Variants in GLP1R observed in about 807,000 individuals in gnomAD.
GLP1R encodes the protein glucagon like peptide 1 receptor.
Under a neutral mutation model 68.4 loss-of-function variants are expected in GLP1R, and 32 were observed. That is an observed-to-expected ratio of 0.47 (90% CI 0.35 to 0.63). GLP1R has a LOEUF of 0.63. GLP1R is among the 20% of genes least tolerant of loss of function. The pLI is 0.00. For missense variants in GLP1R, 502 were observed against 594.9 expected, an observed-to-expected ratio of 0.84 and a Z score of 1.62; for synonymous variants, 263 against 244.4, an observed-to-expected ratio of 1.08 and a Z score of -0.71.
chr6:39,051,263 TA>T (rs2150818169), intron 1 of GLP1R, among the ~76,000 whole-genome samples: 1 of 152,330 alleles, frequency 6.6e-6, no homozygotes, highest in Non-Finnish European at 1.5e-5. Flanking sequence ...TCATAAGCTC[TA>T]TCACATAGGG....
rs1366151858 is a variant in GLP1R, at chr6:39,078,330, C to T, written c.832C>T (p.Leu278=). The change falls in exon 8 of 13, where the codon CTG becomes TTG. Residue 278 remains leucine, a synonymous_variant. Transcript: ENST00000373256. ...CTTTCCCTCTCTCTTAGGTGTTCCC[C>T]TGCTGTTTGTTGTCCCCTGGGGCAT... ...LYVSIGWGVP[L]LFVVPWGIVK... is the part of the protein sequence containing the mutation. 6.2e-7 allele frequency: 1 copy of T among 1,611,834 alleles called. No homozygotes were observed. The highest frequency in any genetic ancestry group is 1.7e-5 in the Admixed American group (1 of 60,034).
intron 1 of GLP1R, among the ~76,000 whole-genome samples, chr6:39,050,591 G>T (rs1768065047): frequency 6.6e-6 from 1 of 152,158 alleles, no homozygotes; most frequent in South Asian, 2.1e-4. Context: ...TCCTAGCAGG[G>T]AGGGGAGCTT....
At chr6:39,080,643 T>C in intron 11 of GLP1R, 55 bp from the exon 12 acceptor site, 1 of 1,284,762 alleles carries the variant, frequency 7.8e-7, no homozygotes, top group Non-Finnish European at 1.1e-6. Flanking sequence ...CCAGGGCCAG[T>C]CTGCAGGGCA....
chr6:39,063,007 C>A (rs757484789), intron 3 of GLP1R, among the ~76,000 whole-genome samples: 2 of 152,190 alleles, frequency 1.3e-5, no homozygotes, highest in African/African-American at 4.8e-5. Context: ...GTATGCCAGG[C>A]CCTGTGCCAG....
In GLP1R at chr6:39,088,414, C is replaced by T. The variant is rs10305526; in HGVS notation, c.*2341C>T. Among the ~76,000 whole-genome samples, 1,760 of 152,270 alleles carry T rather than the reference C, an allele frequency of 0.012. 14 individuals are homozygous for T. Among genetic ancestry groups the T allele is most frequent in the Non-Finnish European group, 0.019 (1,260 of 68,010 alleles). On this transcript the variant is annotated 3_prime_UTR_variant, in exon 13 of 13. Coordinates refer to ENST00000373256, the MANE Select transcript of GLP1R (RefSeq NM_002062.5). ...TTGAATGCAATGTACTCTGAAATTC[C>T]AGCAGCTGTTTACATGCCTGATGCC...
chr6:39,071,143 G>A (rs1030100694), intron 5 of GLP1R, among the ~76,000 whole-genome samples: 4 of 151,918 alleles, frequency 2.6e-5, no homozygotes, highest in South Asian at 4.1e-4. Flanking sequence ...TCAGGAGATC[G>A]AGACCATCCT....
Position 39,089,857 on chromosome 6 carries a change from C to T in GLP1R, c.*3784C>T, listed in dbSNP as rs1769241836. Among the ~76,000 whole-genome samples the T allele has an allele frequency of 6.6e-6, 1 of 152,158 alleles. No homozygotes were observed. The highest frequency in any genetic ancestry group is 1.5e-5 in the Non-Finnish European group (1 of 68,036). On this transcript the variant is annotated 3_prime_UTR_variant, in exon 13 of 13. Coordinates refer to ENST00000373256, the MANE Select transcript of GLP1R (RefSeq NM_002062.5). This position sits in a 1 kb window ranked among gnomAD's most constrained non-coding sequence, Gnocchi z 4.1. Reference sequence around the variant, plus strand: ...AAAATCTATTCCAAAGGTTTATTTTCCCTCTGTTGAATTGATTCTAATCTA... The same window carrying T: ...AAAATCTATTCCAAAGGTTTATTTTTCCTCTGTTGAATTGATTCTAATCTA...
At chr6:39,065,616 G>A in intron 3 of GLP1R, 95 bp from the exon 4 acceptor site, 1 of 707,006 alleles carries the variant, frequency 1.4e-6, no homozygotes, top group Non-Finnish European at 2.5e-6. Context: ...GGGGAGCAGG[G>A]ATAGCCCTCA....
chr6:39,079,178 T>C lies in GLP1R; in HGVS notation c.1021T>C (p.Cys341Arg). ...VVSKLKANLM[C>R]KTDIKCRLAK... is the part of the protein sequence containing the mutation. ...ATCCAAACTGAAGGCCAATCTCATGTGCAAGACAGACATCAAATGCAGGTG... is the reference window on the plus strand; with the variant it reads ...ATCCAAACTGAAGGCCAATCTCATGCGCAAGACAGACATCAAATGCAGGTG... The change falls in exon 10 of 13, where the codon TGC becomes CGC. Residue 341 changes from cysteine to arginine, a missense_variant. Transcript: ENST00000373256. This position sits in a 1 kb window ranked among gnomAD's most constrained non-coding sequence, Gnocchi z 4.5. The C allele has an allele frequency of 6.2e-7, 1 of 1,613,442 alleles. No individual in the cohort carries two copies. The highest frequency in any genetic ancestry group is 2.2e-5 in the East Asian group (1 of 44,886).
In GLP1R at chr6:39,065,722, C is replaced by T. The variant is rs1768485089; in HGVS notation, c.295C>T (p.His99Tyr). ...LPWASSVPQGHVYRFCTAEGL... is the reference protein window; with the variant it reads ...LPWASSVPQGYVYRFCTAEGL... ...TCTCCCCACCCCAGTGCCGCAGGGC[C>T]ACGTGTACCGGTTCTGCACAGCTGA... The change falls in exon 4 of 13, where the codon CAC becomes TAC. Residue 99 changes from histidine (H) to tyrosine (Y), a missense_variant. By Grantham distance (83) the His-to-Tyr change is moderately conservative. Coordinates refer to ENST00000373256, the MANE Select transcript of GLP1R (RefSeq NM_002062.5). The T allele has an allele frequency of 3.8e-6, 6 of 1,564,902 alleles. No individual in the cohort carries two copies. The highest frequency in any genetic ancestry group is 2.4e-5 in the East Asian group (1 of 41,998).
At position 39,066,178 on chromosome 6, in the gene GLP1R, T is replaced by A; in HGVS notation, c.403-19T>A. 4 of 1,346,732 alleles carry A rather than the reference T, an allele frequency of 3.0e-6. No individual in the cohort carries two copies. The highest frequency in any genetic ancestry group is 4.3e-6 in the Non-Finnish European group (4 of 938,472). The allele number at this position is 1,346,732 out of a possible 1,614,324, so 83.4% of individuals were successfully genotyped here. A position where few individuals can be genotyped will look rare whatever the true frequency, so the allele number is the denominator to read the frequency against. ...GCCATGGGCTGCCCATGTACACGTA[T>A]GTCCCCCGTGTGCCACAGAGCTCCC... On this transcript the variant is annotated intron_variant, in intron 4 of 12. Transcript: ENST00000373256.
In GLP1R at chr6:39,087,917, C is replaced by T. The variant is rs139819432; in HGVS notation, c.*1844C>T. On this transcript the variant is annotated 3_prime_UTR_variant, in exon 13 of 13. Transcript: ENST00000373256. The stretch of plus-strand genomic sequence containing the variant: ...CCCTTATTTGCTGTCTCTTCGTAAG[C>T]GTGGGCACCAGTGGGTTGATGTGGG... Among the ~76,000 whole-genome samples the T allele has an allele frequency of 2.6e-5, 4 of 152,194 alleles. No individual in the cohort carries two copies. The highest frequency in any genetic ancestry group is 7.2e-5 in the African/African-American group (3 of 41,518).
chr6:39,076,530 A>C (rs920496402), intron 7 of GLP1R, among the ~76,000 whole-genome samples: 4 of 152,128 alleles, frequency 2.6e-5, no homozygotes, highest in Admixed American at 1.3e-4. Context: ...CTGGGCACAC[A>C]ACCTGCTTAG....
chr6:39,055,724 G>GA (rs112730162), intron 1 of GLP1R, among the ~76,000 whole-genome samples: 14,415 of 151,382 alleles, frequency 0.095, 1,758 homozygotes, highest in African/African-American at 0.27. Flanking sequence ...CACGGGGAGG[G>GA]GGTGGGGGGT....
rs764381278 is a variant in GLP1R at position 39,072,921 on chromosome 6, G to A, written c.569G>A (p.Arg190Gln). Reference protein sequence around the residue: ...HLNLFASFILRALSVFIKDAA... With the variant: ...HLNLFASFILQALSVFIKDAA... ...AACCTGTTTGCATCCTTCATCCTGC[G>A]AGCATTGTCCGTCTTCATCAAGGAC... The change falls in exon 6 of 13, where the codon CGA becomes CAA. Residue 190 changes from arginine (R) to glutamine (Q), a missense_variant. Transcript: ENST00000373256. The A allele has an allele frequency of 1.7e-5, 28 of 1,613,954 alleles. No individual in the cohort carries two copies. Among genetic ancestry groups the A allele is most frequent in the Non-Finnish European group, 1.9e-5 (23 of 1,179,946 alleles).
intron 7 of GLP1R, among the ~76,000 whole-genome samples, chr6:39,075,515 G>A (rs1768794577): frequency 6.6e-6 from 1 of 152,198 alleles, no homozygotes; most frequent in African/African-American, 2.4e-5. Context: ...GGAGATGGGG[G>A]AGGGAGTGCC....
intron 1 of GLP1R, among the ~76,000 whole-genome samples, chr6:39,054,445 G>A (rs1768163742): frequency 6.6e-6 from 1 of 152,050 alleles, no homozygotes; most frequent in South Asian, 2.1e-4. Context: ...TCACCTAAGG[G>A]GGAGCCACAG....
rs1769183124 is a variant in GLP1R at position 39,087,652 on chromosome 6, A to G, written c.*1579A>G. On this transcript the variant is annotated 3_prime_UTR_variant, in exon 13 of 13. Transcript: ENST00000373256. ...AACCCTCCCCAAAACCTTTCCCCAG[A>G]CACATTCTCCTGTGCCCCTCAGAGA... The G allele has an allele frequency of 2.0e-5, 3 of 152,222 alleles. No individual in the cohort carries two copies. The highest frequency in any genetic ancestry group is 4.1e-4 in the South Asian group (2 of 4,828). 9.4% of individuals were successfully genotyped at this position (152,222 alleles called of 1,614,324 possible).
At chr6:39,084,445 T>C (rs1408320911) in intron 12 of GLP1R, among the ~76,000 whole-genome samples, 1 of 152,128 alleles carries the variant, frequency 6.6e-6, no homozygotes, top group Non-Finnish European at 1.5e-5. Flanking sequence ...CTCTCTTTGG[T>C]CTCTGGTTTC....
Sources: gnomAD v4.1 joint callset for allele counts (sites outside exome capture counted in the v4.1 genomes callset) on GRCh38, gnomAD v4.1.1 for gene constraint, Gnocchi (gnomAD v3.1) non-coding constraint, MANE v1.5 for transcripts, NCBI Gene and HGNC (gene_info 2026-07-23, HGNC 2026-07-21) for gene names.